The following PPP2R3A variants were observed in gnomAD, a reference collection of about 807,000 sequenced individuals.
The protein encoded by PPP2R3A is serine/threonine-protein phosphatase 2A regulatory subunit B'' subunit alpha.
Under a neutral mutation model 106.9 loss-of-function variants are expected in PPP2R3A, and 80 were observed. The ratio of observed to expected loss-of-function variants is 0.75; its 90% CI spans 0.62 to 0.90. The LOEUF is 0.90. PPP2R3A is among the 40% of genes least tolerant of loss of function. PPP2R3A has a pLI of 0.00. For synonymous variants in PPP2R3A, 483 were observed against 468.3 expected (o/e 1.03, Z -0.41); for missense variants, 1,386 against 1,350.4 (o/e 1.03, Z -0.41).
At chr3:135,978,239 A>G (rs1349631431) in intron 1 of PPP2R3A, among the ~76,000 whole-genome samples, 1 of 148,990 alleles carries the variant, frequency 6.7e-6, no homozygotes, top group Non-Finnish European at 1.5e-5. Flanking sequence ...ATTATTTCCT[A>G]TTCTTAAGCC....
At chr3:136,095,955 CACCTA>C (rs1451171939) in intron 10 of PPP2R3A, among the ~76,000 whole-genome samples, 1 of 152,164 alleles carries the variant, frequency 6.6e-6, no homozygotes, top group Non-Finnish European at 1.5e-5. Context: ...TTATTTAATA[CACCTA>C]ACCTACTGAA....
chr3:136,034,314 C>T (rs1308556786), intron 3 of PPP2R3A, among the ~76,000 whole-genome samples: 4 of 152,124 alleles, frequency 2.6e-5, no homozygotes, highest in Non-Finnish European at 4.4e-5. Context: ...GGATGATGGG[C>T]GTGAGCCACT....
intron 13 of PPP2R3A, among the ~76,000 whole-genome samples, chr3:136,114,287 C>T (rs1937656178): frequency 6.6e-6 from 1 of 152,244 alleles, no homozygotes; most frequent in Non-Finnish European, 1.5e-5. Flanking sequence ...GAGATTCTCT[C>T]CAGTGCCTAC....
At chr3:136,081,329 A>G (rs2107928866) in intron 7 of PPP2R3A, among the ~76,000 whole-genome samples, 1 of 152,194 alleles carries the variant, frequency 6.6e-6, no homozygotes, top group Middle Eastern at 3.4e-3. Flanking sequence ...ATTAATATTG[A>G]TACCTGTTTA....
chr3:135,967,346 C>A (rs1447014321), intron 1 of PPP2R3A, among the ~76,000 whole-genome samples: 4 of 152,118 alleles, frequency 2.6e-5, no homozygotes, highest in Admixed American at 6.5e-5. Context: ...GCACTGACAA[C>A]CTGAACATTG....
intron 10 of PPP2R3A, among the ~76,000 whole-genome samples, chr3:136,092,023 T>A (rs114051241): frequency 6.6e-6 from 1 of 152,158 alleles, no homozygotes; most frequent in African/African-American, 2.4e-5. Flanking sequence ...GTCTTGTTGG[T>A]ACTCAAAAAG....
At chr3:136,076,952 G>GAAA (rs397942257) in intron 6 of PPP2R3A, among the ~76,000 whole-genome samples, 5 of 107,940 alleles carry the variant, frequency 4.6e-5, no homozygotes, top group African/African-American at 1.5e-4. Flanking sequence ...GTCTCAGAAA[G>GAAA]AAAAAAAAAA....
intron 13 of PPP2R3A, among the ~76,000 whole-genome samples, chr3:136,128,364 G>T (rs1289590070): frequency 6.6e-6 from 1 of 150,728 alleles, no homozygotes; most frequent in Admixed American, 6.6e-5. Flanking sequence ...AGGAGGGGTT[G>T]CATCATAGTC....
At chr3:136,006,453 G>A (rs1004608252) in intron 2 of PPP2R3A, among the ~76,000 whole-genome samples, 2 of 152,110 alleles carry the variant, frequency 1.3e-5, no homozygotes, top group African/African-American at 4.8e-5. Context: ...GAGCAAGATA[G>A]TAAATATTTT....
chr3:135,978,889 C>T (rs1937493890), intron 1 of PPP2R3A, among the ~76,000 whole-genome samples: 1 of 151,748 alleles, frequency 6.6e-6, no homozygotes, highest in Non-Finnish European at 1.5e-5. Context: ...AGTTCATCTA[C>T]TCTGAATGGA....
intron 13 of PPP2R3A, 55 bp from the exon 14 acceptor site, chr3:136,144,988 C>T: frequency 1.3e-6 from 2 of 1,572,778 alleles, no homozygotes; most frequent in Non-Finnish European, 1.7e-6. Context: ...ATATTGATTT[C>T]TACCCAAACT....
chr3:136,058,920 T>C (rs1439411025), intron 5 of PPP2R3A, among the ~76,000 whole-genome samples: 4 of 152,238 alleles, frequency 2.6e-5, no homozygotes, highest in African/African-American at 9.6e-5. Flanking sequence ...TAAATGGTGC[T>C]GGGATAACTG....
chr3:136,105,928 C>T lies in PPP2R3A; in HGVS notation c.3223-288C>T, dbSNP rs536169934. Among the ~76,000 whole-genome samples, 215 of 152,046 alleles carry T rather than the reference C, an allele frequency of 1.4e-3. 1 individual carries two copies. The highest frequency in any genetic ancestry group is 2.2e-3 in the Non-Finnish European group (152 of 67,988). On this transcript the variant is annotated intron_variant, in intron 12 of 13. Coordinates refer to ENST00000264977, the MANE Select transcript of PPP2R3A (RefSeq NM_002718.5). ...TGAGCCGAGATCGTGCCACTATACT[C>T]CAGCCTGGGTGACAGAGTGAGATTC...
chr3:135,986,376 A>G (rs965965686), intron 1 of PPP2R3A, among the ~76,000 whole-genome samples: 3 of 152,190 alleles, frequency 2.0e-5, no homozygotes, highest in African/African-American at 4.8e-5. Context: ...CACTTCAGCA[A>G]CCTTGCCTGG....
Position 136,146,979 on chromosome 3 carries a change from T to C in PPP2R3A, c.*1813T>C, listed in dbSNP as rs544867382. 4.0e-4 allele frequency: 61 copies of C among 151,782 alleles called. No individual in the cohort carries two copies. The highest frequency in any genetic ancestry group is 5.3e-4 in the Non-Finnish European group (36 of 68,000). 9.4% of individuals were successfully genotyped at this position (151,782 alleles called of 1,614,324 possible). ...AAAAAGTAAAAATTCAATTTTACAA[T>C]ATACATTTTTTTTTTTAACTATTTG... On this transcript the variant is annotated 3_prime_UTR_variant, in exon 14 of 14. Transcript: ENST00000264977.
rs775584535 is a variant in PPP2R3A, at chr3:136,002,162, A to G, written c.664A>G (p.Asn222Asp). 7 of 1,613,426 alleles carry G rather than the reference A, an allele frequency of 4.3e-6. No homozygotes were observed. The highest frequency in any genetic ancestry group is 5.1e-6 in the Non-Finnish European group (6 of 1,179,850). Residue 222 changes from asparagine (N) to aspartate (D), a missense_variant, in exon 2 of 14, where the codon AAT becomes GAT. Coordinates refer to ENST00000264977, the MANE Select transcript of PPP2R3A (RefSeq NM_002718.5). ...TQILEKHKID[N>D]FSSGTDIKMC... Reference sequence around the variant, plus strand: ...GATTTTGGAAAAACATAAAATAGATAATTTTTCTTCTGGGACAGACATAAA... The same window carrying G: ...GATTTTGGAAAAACATAAAATAGATGATTTTTCTTCTGGGACAGACATAAA...
In PPP2R3A at chr3:136,060,463, A is replaced by G. The variant is rs766667234; in HGVS notation, c.2470-10015A>G. 3.9e-5 allele frequency among the ~76,000 whole-genome samples: 6 copies of G among 152,250 alleles called. No homozygotes were observed. The East Asian group carries it at 5.8e-4, about 15-fold the overall frequency. ...TGATTGGATTATGGGGGTGGTTTCT[A>G]ATGGTTTAGCACCATCCTCCTAGTG... On this transcript the variant is annotated intron_variant, in intron 5 of 13. Transcript: ENST00000264977.
rs757152927 is a variant in PPP2R3A, at chr3:136,103,340, A to C, written c.3186A>C (p.Leu1062Phe). Residue 1062 changes from leucine to phenylalanine, a missense_variant, in exon 12 of 14, where the codon TTA becomes TTC. By Grantham distance (22) the Leu-to-Phe change is conservative. Coordinates refer to ENST00000264977, the MANE Select transcript of PPP2R3A (RefSeq NM_002718.5). ...CTTTCTTTAATCTGGAGAAATACTT[A>C]GACCATGAACAGAGAGATCCCTTTG... is the stretch of plus-strand genomic sequence containing the variant. ...YDTFFNLEKY[L>F]DHEQRDPFAV... The C allele has an allele frequency of 6.2e-7, 1 of 1,608,866 alleles. No individual in the cohort carries two copies. The highest frequency in any genetic ancestry group is 8.5e-7 in the Non-Finnish European group (1 of 1,175,520).
At chr3:136,045,484 T>C (rs917623568) in intron 4 of PPP2R3A, among the ~76,000 whole-genome samples, 1 of 152,224 alleles carries the variant, frequency 6.6e-6, no homozygotes, top group African/African-American at 2.4e-5. Flanking sequence ...CCACAACCTC[T>C]ACCCAAGGGA....
Sources: gnomAD v4.1 joint callset for allele counts (sites outside exome capture counted in the v4.1 genomes callset) on GRCh38, gnomAD v4.1.1 for gene constraint, MANE v1.5 for transcripts, NCBI Gene and HGNC (gene_info 2026-07-23, HGNC 2026-07-21) for gene names.